The following CDH4 variants were observed in gnomAD, a reference collection of about 807,000 sequenced individuals.
The protein encoded by CDH4 is cadherin 4.
In CDH4, 33 loss-of-function variants were observed where a neutral mutation model predicts 86.0. That is an observed-to-expected ratio of 0.38 (90% CI 0.29 to 0.51). The LOEUF is 0.51. Among genes scored for constraint, CDH4 ranks in the 20% least tolerant of loss-of-function variants. CDH4 has a pLI of 0.86. For missense variants in CDH4, 1,114 were observed against 1,307.4 expected (o/e 0.85, Z 2.28); for synonymous variants, 555 against 549.4 (o/e 1.01, Z -0.14).
At chr20:61,553,368 G>A (rs1007605453) in intron 2 of CDH4, among the ~76,000 whole-genome samples, 5 of 152,230 alleles carry the variant, frequency 3.3e-5, no homozygotes, top group Admixed American at 1.3e-4. Context: ...GAAGATGGTC[G>A]TGCAACCTTG....
chr20:61,446,942 C>A (rs2085353684), intron 2 of CDH4, among the ~76,000 whole-genome samples: 1 of 151,998 alleles, frequency 6.6e-6, no homozygotes, highest in Non-Finnish European at 1.5e-5. Context: ...GTTTATTGGT[C>A]ATTAGTTTTT....
intron 7 of CDH4, among the ~76,000 whole-genome samples, chr20:61,874,283 C>G (rs1983927118): frequency 6.6e-6 from 1 of 152,132 alleles, no homozygotes. Context: ...CCTTCTGGGC[C>G]TGGCACCTCC....
In CDH4 at chr20:61,389,823, G is replaced by A. The variant is rs12625302; in HGVS notation, c.169+134886G>A. 1.8e-4 allele frequency among the ~76,000 whole-genome samples: 28 copies of A among 151,366 alleles called. No individual in the cohort carries two copies. The East Asian group carries it at 2.6e-3, about 14-fold the overall frequency. ...CATAGCACCATGTCTGGGAAACCCC[G>A]ATTGACATCGTGCAGTCATAGGGTG... On this transcript the variant is annotated intron_variant, in intron 2 of 15. Transcript: ENST00000614565.
chr20:61,407,005 C>T lies in CDH4; in HGVS notation c.169+152068C>T, dbSNP rs540233709. On this transcript the variant is annotated intron_variant, in intron 2 of 15. Transcript: ENST00000614565. ...TTCTTGGACCACCATCTGCTCTGCC[C>T]GGACCACCATCTGCTCTGCCTGGAC... Among the ~76,000 whole-genome samples the T allele has an allele frequency of 2.4e-3, 354 of 148,070 alleles. 4 individuals carry two copies. The highest frequency in any genetic ancestry group is 8.5e-3 in the African/African-American group (339 of 40,038).
intron 2 of CDH4, among the ~76,000 whole-genome samples, chr20:61,387,656 T>G (rs947027341): frequency 2.0e-5 from 3 of 152,206 alleles, no homozygotes; most frequent in African/African-American, 4.8e-5. Flanking sequence ...CCCGATGTCC[T>G]GTTTGAGTCT....
intron 2 of CDH4, among the ~76,000 whole-genome samples, chr20:61,502,292 G>A (rs888319728): frequency 3.3e-5 from 5 of 152,180 alleles, no homozygotes; most frequent in African/African-American, 4.8e-5. Context: ...CATCTTAGCA[G>A]CCTGGTGGTC....
chr20:61,677,878 AGATGATG>A (rs1296844027), intron 2 of CDH4, among the ~76,000 whole-genome samples: 2 of 90,700 alleles, frequency 2.2e-5, no homozygotes, highest in East Asian at 2.8e-4. Flanking sequence ...GATGATGGAT[AGATGATG>A]GATGATGGAT....
chr20:61,338,454 GA>G (rs2084631725), intron 2 of CDH4, among the ~76,000 whole-genome samples: 1 of 152,176 alleles, frequency 6.6e-6, no homozygotes, highest in Non-Finnish European at 1.5e-5. Context: ...TTCTCACCGT[GA>G]AGACTCGTTC....
At chr20:61,256,533 T>C (rs2084098814) in intron 2 of CDH4, among the ~76,000 whole-genome samples, 1 of 152,216 alleles carries the variant, frequency 6.6e-6, no homozygotes, top group African/African-American at 2.4e-5. Context: ...CGTGCTGTGC[T>C]CTTGATCAGT....
intron 4 of CDH4, among the ~76,000 whole-genome samples, chr20:61,783,897 T>C (rs80276375): frequency 0.11 from 274 of 2,568 alleles, 13 homozygotes; most frequent in East Asian, 0.17. Flanking sequence ...CCCAGTTCCT[T>C]GGGACAGTTC....
chr20:61,354,317 C>T (rs2084733684), intron 2 of CDH4, among the ~76,000 whole-genome samples: 1 of 152,290 alleles, frequency 6.6e-6, no homozygotes, highest in Non-Finnish European at 1.5e-5. Context: ...ACCCTGGAGT[C>T]AAATCATTCT....
chr20:61,722,384 C>T (rs760902678), intron 2 of CDH4, among the ~76,000 whole-genome samples: 10 of 152,190 alleles, frequency 6.6e-5, no homozygotes, highest in Non-Finnish European at 1.2e-4. Context: ...ATATCCTTGG[C>T]ACAGAGCCCA....
At chr20:61,425,136 G>A (rs933794708) in intron 2 of CDH4, among the ~76,000 whole-genome samples, 7 of 152,182 alleles carry the variant, frequency 4.6e-5, no homozygotes, top group Admixed American at 3.9e-4. Context: ...CTCCGCGAGC[G>A]CCTTGAATCA....
At chr20:61,915,257 C>G (rs927732572) in intron 9 of CDH4, among the ~76,000 whole-genome samples, 1 of 152,232 alleles carries the variant, frequency 6.6e-6, no homozygotes, top group Non-Finnish European at 1.5e-5. Context: ...GCCAAGGTGT[C>G]TGTGTGTGTT....
rs201731451 is a variant in CDH4, at chr20:61,933,140, G to A, written c.2379+16G>A. ...GGAGGACCAGGTGAGACTGCGGCCC[G>A]CCCCCGCCTCCCCACGCGAGGCCGG... On this transcript the variant is annotated intron_variant, in intron 14 of 15. Coordinates refer to ENST00000614565, the MANE Select transcript of CDH4 (RefSeq NM_001794.5). The A allele has an allele frequency of 3.9e-4, 623 of 1,608,616 alleles. 1 individual carries two copies. The highest frequency in any genetic ancestry group is 4.9e-4 in the Non-Finnish European group (573 of 1,177,068).
intron 2 of CDH4, among the ~76,000 whole-genome samples, chr20:61,379,775 G>GA (rs1284037200): frequency 1.3e-5 from 2 of 152,200 alleles, no homozygotes; most frequent in African/African-American, 4.8e-5. Flanking sequence ...AGGCTCCTGT[G>GA]CTCAACTGTT....
Position 61,879,816 on chromosome 20 carries a change from G to A in CDH4, c.1050+5916G>A, listed in dbSNP as rs923221839. On this transcript the variant is annotated intron_variant, in intron 7 of 15. Transcript: ENST00000614565. This position sits in a 1 kb window ranked among gnomAD's most constrained non-coding sequence, Gnocchi z 4.1. ...GCACCGGGCCAGCATTGTTCTCAGC[G>A]TCCCTTCCAGGCTGCTCCCGAGGAT... is the stretch of plus-strand genomic sequence containing the variant. Among the ~76,000 whole-genome samples, 7 of 152,174 alleles carry A rather than the reference G, an allele frequency of 4.6e-5. No homozygotes were observed. Among genetic ancestry groups the A allele is most frequent in the African/African-American group, 1.7e-4 (7 of 41,450 alleles).
chr20:61,727,213 G>A lies in CDH4; in HGVS notation c.170-16350G>A, dbSNP rs200588659. Among the ~76,000 whole-genome samples, 59 of 150,698 alleles carry A rather than the reference G, an allele frequency of 3.9e-4. No individual in the cohort carries two copies. In the East Asian group the frequency reaches 9.1e-3, roughly 23 times the overall value. ...CATCAGAGTCATCATCTTCACCACC[G>A]GAGCCATCATCACCATTGAAGCCAT... On this transcript the variant is annotated intron_variant, in intron 2 of 15. Transcript: ENST00000614565.
At chr20:61,791,529 T>C (rs1351999543) in intron 4 of CDH4, among the ~76,000 whole-genome samples, 2 of 152,216 alleles carry the variant, frequency 1.3e-5, no homozygotes, top group Non-Finnish European at 2.9e-5. Context: ...AGGTCCGCAG[T>C]GGGCCACTCA....
Sources: gnomAD v4.1 joint callset for allele counts (sites outside exome capture counted in the v4.1 genomes callset) on GRCh38, gnomAD v4.1.1 for gene constraint, Gnocchi (gnomAD v3.1) non-coding constraint, MANE v1.5 for transcripts, NCBI Gene and HGNC (gene_info 2026-07-23, HGNC 2026-07-21) for gene names.